Variants in PRKN observed in about 807,000 individuals in gnomAD.
PRKN encodes the protein E3 ubiquitin-protein ligase parkin.
PRKN carries 56 observed loss-of-function variants against 59.5 expected under a neutral mutation model. The observed-to-expected ratio is 0.94, with a 90% CI of 0.76 to 1.18. The LOEUF (loss-of-function observed/expected upper bound fraction) is 1.18, where lower values mean the gene tolerates loss of function less well. PRKN is among the 50% of genes most tolerant of loss of function. The probability of loss-of-function intolerance (pLI) is 0.00; values close to 1 mark genes in which losing one functional copy is unlikely to be tolerated. For synonymous variants in PRKN, 250 were observed against 222.1 expected, an observed-to-expected ratio of 1.13 and a Z score of -1.12; for missense variants, 657 against 596.4, an observed-to-expected ratio of 1.10 and a Z score of -1.06.
rs183503998 is a variant in PRKN, at chr6:162,492,646, A to G, written c.8-49173T>C. Reference sequence around the variant, plus strand: ...TGGTGAAACCCCCTCTCTACTAAAAAATACAAAAATTAGCCAGGTGTGGGG... The same window carrying G: ...TGGTGAAACCCCCTCTCTACTAAAAGATACAAAAATTAGCCAGGTGTGGGG... On this transcript the variant is annotated intron_variant, in intron 1 of 11. Coordinates refer to ENST00000366898, the MANE Select transcript of PRKN (RefSeq NM_004562.3). Among the ~76,000 whole-genome samples, 122 of 152,062 alleles carry G rather than the reference A, an allele frequency of 8.0e-4. 1 individual carries two copies. The South Asian group carries it at 0.012, about 15-fold the overall frequency.
chr6:161,539,626 A>C (rs1057258504), intron 9 of PRKN, among the ~76,000 whole-genome samples: 5 of 152,234 alleles, frequency 3.3e-5, no homozygotes, highest in Admixed American at 1.3e-4. Context: ...TAAGAAAAAA[A>C]GTAATTCATA....
intron 4 of PRKN, among the ~76,000 whole-genome samples, chr6:162,147,069 G>A (rs376591093): frequency 6.0e-5 from 9 of 150,218 alleles, no homozygotes; most frequent in Admixed American, 1.3e-4. Flanking sequence ...GGCTGGGTCC[G>A]GTAGCTCAGG....
At chr6:162,340,305 A>G (rs1784116945) in intron 2 of PRKN, among the ~76,000 whole-genome samples, 1 of 152,200 alleles carries the variant, frequency 6.6e-6, no homozygotes, top group Non-Finnish European at 1.5e-5. Flanking sequence ...CTGCCTTGAT[A>G]AGTATTTATC....
intron 1 of PRKN, among the ~76,000 whole-genome samples, chr6:162,622,306 T>C (rs1244071456): frequency 2.7e-5 from 4 of 150,192 alleles, no homozygotes; most frequent in Non-Finnish European, 5.9e-5. Flanking sequence ...TTTTTTTGTT[T>C]TGTTTTTTTT....
intron 7 of PRKN, among the ~76,000 whole-genome samples, chr6:161,661,491 C>A (rs555847882): frequency 6.6e-6 from 1 of 152,278 alleles, no homozygotes; most frequent in South Asian, 2.1e-4. Flanking sequence ...TCCCTGACCA[C>A]CTCCTAGACC....
intron 6 of PRKN, among the ~76,000 whole-genome samples, chr6:161,802,882 T>C (rs974147434): frequency 6.6e-6 from 1 of 152,170 alleles, no homozygotes; most frequent in Non-Finnish European, 1.5e-5. Flanking sequence ...CGTGGCTTTG[T>C]AGGGTGGCTG....
intron 3 of PRKN, among the ~76,000 whole-genome samples, chr6:162,204,331 C>T (rs186502937): frequency 8.5e-5 from 13 of 152,264 alleles, no homozygotes; most frequent in Admixed American, 6.5e-4. Context: ...AGTCCCCTGA[C>T]CATACCCCTT....
intron 7 of PRKN, among the ~76,000 whole-genome samples, chr6:161,583,505 A>C (rs1781419724): frequency 6.6e-6 from 1 of 151,968 alleles, no homozygotes; most frequent in Non-Finnish European, 1.5e-5. Flanking sequence ...CTTAATATTT[A>C]CAATTCCCTT....
chr6:161,961,861 T>G (rs1255660462), intron 6 of PRKN, among the ~76,000 whole-genome samples: 1 of 152,192 alleles, frequency 6.6e-6, no homozygotes, highest in East Asian at 1.9e-4. Context: ...CTGCGTTGCC[T>G]GTGATACTGA....
chr6:162,685,915 C>T (rs1779954022), intron 1 of PRKN, among the ~76,000 whole-genome samples: 1 of 152,022 alleles, frequency 6.6e-6, no homozygotes, highest in African/African-American at 2.4e-5. Context: ...TTAACGTGTG[C>T]ATTCAATATT....
chr6:162,595,120 G>A (rs1365698964), intron 1 of PRKN, among the ~76,000 whole-genome samples: 3 of 152,142 alleles, frequency 2.0e-5, no homozygotes. Flanking sequence ...CTTGCAGGGA[G>A]CTGAGATCGT....
In PRKN at chr6:161,348,133, A is replaced by G. The variant is rs1784403330; in HGVS notation, c.*1966T>C. The G allele has an allele frequency of 2.1e-5, 4 of 194,638 alleles. No homozygotes were observed. The highest frequency in any genetic ancestry group is 4.3e-5 in the Non-Finnish European group (4 of 93,596). The allele number at this position is 194,638 out of a possible 1,614,324, so 12.1% of individuals were successfully genotyped here. On this transcript the variant is annotated 3_prime_UTR_variant, in exon 12 of 12. Transcript: ENST00000366898. This position sits in a 1 kb window ranked among gnomAD's most constrained non-coding sequence, Gnocchi z 4.9. ...TGCAAACACCATCAGGAAGAAAGCT[A>G]TGGATGATGGAAAACACTGTGTGCT...
chr6:161,381,908 T>C (rs886569494), intron 10 of PRKN, among the ~76,000 whole-genome samples: 5 of 151,724 alleles, frequency 3.3e-5, no homozygotes, highest in Admixed American at 6.6e-5. Context: ...GTCAGGAGAT[T>C]GAGACCATCC....
chr6:161,404,482 C>T (rs1787178130), intron 9 of PRKN, among the ~76,000 whole-genome samples: 1 of 152,126 alleles, frequency 6.6e-6, no homozygotes, highest in East Asian at 1.9e-4. Flanking sequence ...GCAAACAAGA[C>T]AACTCTATAA....
At chr6:162,237,337 AAAC>A (rs1241250060) in intron 3 of PRKN, among the ~76,000 whole-genome samples, 12 of 152,224 alleles carry the variant, frequency 7.9e-5, no homozygotes, top group East Asian at 1.9e-4. Flanking sequence ...AAGCGAATAA[AAAC>A]AACAACAAAA....
intron 7 of PRKN, among the ~76,000 whole-genome samples, chr6:161,663,413 C>G (rs1784618374): frequency 6.6e-6 from 1 of 151,934 alleles, no homozygotes; most frequent in Non-Finnish European, 1.5e-5. Flanking sequence ...ATCTGAGGTT[C>G]CAGAACTTTT....
chr6:162,067,127 A>G (rs1778374925), intron 4 of PRKN, among the ~76,000 whole-genome samples: 1 of 152,178 alleles, frequency 6.6e-6, no homozygotes, highest in Non-Finnish European at 1.5e-5. Context: ...AAGGTTATAC[A>G]ACGTAGAGCA....
At chr6:162,514,977 T>C (rs1583703608) in intron 1 of PRKN, among the ~76,000 whole-genome samples, 2 of 151,740 alleles carry the variant, frequency 1.3e-5, no homozygotes, top group African/African-American at 2.4e-5. Context: ...AAGAGTGATA[T>C]ACAAAAAAAA....
At chr6:162,479,233 T>C (rs946946335) in intron 1 of PRKN, among the ~76,000 whole-genome samples, 1 of 151,936 alleles carries the variant, frequency 6.6e-6, no homozygotes, top group African/African-American at 2.4e-5. Context: ...AAAACTTTTT[T>C]CTTTTTTTTT....
Sources: allele counts gnomAD v4.1 joint callset (sites outside exome capture counted in the v4.1 genomes callset), GRCh38; gene constraint gnomAD v4.1.1; non-coding constraint Gnocchi (gnomAD v3.1); transcripts MANE v1.5; gene names NCBI Gene and HGNC (gene_info 2026-07-23, HGNC 2026-07-21).